The following CUL9 variants were observed in gnomAD, a reference collection of about 807,000 sequenced individuals.
The protein encoded by CUL9 is cullin 9.
In CUL9, 79 loss-of-function variants were observed where a neutral mutation model predicts 272.6. The ratio of observed to expected loss-of-function variants is 0.29; its 90% CI spans 0.24 to 0.35. The LOEUF is 0.35. Among genes scored for constraint, CUL9 ranks in the 10% least tolerant of loss-of-function variants. The probability of loss-of-function intolerance (pLI) is 1.00; values close to 1 mark genes in which losing one functional copy is unlikely to be tolerated. For missense variants in CUL9, 2,532 were observed against 3,255.6 expected (o/e 0.78, Z 5.41); for synonymous variants, 1,186 against 1,286.5 (o/e 0.92, Z 1.67).
At chr6:43,192,615 G>T (rs1315793899) in intron 8 of CUL9, among the ~76,000 whole-genome samples, 1 of 152,204 alleles carries the variant, frequency 6.6e-6, no homozygotes, top group Non-Finnish European at 1.5e-5. Context: ...GGCAGAGGTT[G>T]CAGTGAGCTG....
At chr6:43,186,741 C>T (rs375482056) in intron 4 of CUL9, among the ~76,000 whole-genome samples, 1 of 152,012 alleles carries the variant, frequency 6.6e-6, no homozygotes, top group Non-Finnish European at 1.5e-5. Context: ...GAAGGAATGT[C>T]GAGGCAGAGA....
At chr6:43,189,330 C>T (rs2150529309) in intron 8 of CUL9, among the ~76,000 whole-genome samples, 1 of 152,068 alleles carries the variant, frequency 6.6e-6, no homozygotes, top group South Asian at 2.1e-4. Context: ...GCTGGGATTA[C>T]AGGCACCACC....
intron 20 of CUL9, 155 bp from the exon 21 acceptor site, chr6:43,204,205 C>G: frequency 1.9e-6 from 2 of 1,076,410 alleles, no homozygotes; most frequent in South Asian, 3.2e-5. Context: ...AACATTTCCC[C>G]TGACTCCAGC....
In CUL9 at chr6:43,185,936, C is replaced by T. The variant is rs1772872151; in HGVS notation, c.751-19C>T. 2.5e-6 allele frequency: 4 copies of T among 1,582,346 alleles called. No homozygotes were observed. Among genetic ancestry groups the T allele is most frequent in the Non-Finnish European group, 3.4e-6 (4 of 1,162,916 alleles). On this transcript the variant is annotated intron_variant, in intron 3 of 40. Transcript: ENST00000252050. The stretch of plus-strand genomic sequence containing the variant: ...AAGCCAGGAAGAGATGAACCTGTCC[C>T]AAGGATTGTGTCTTACAGATCCCAG...
intron 10 of CUL9, 54 bp from the exon 11 acceptor site, chr6:43,196,591 T>G (rs958347521): frequency 6.8e-7 from 1 of 1,466,252 alleles, no homozygotes; most frequent in Non-Finnish European, 9.6e-7. Context: ...GCTTTGCTGC[T>G]TCCATTGCAT....
chr6:43,217,124 T>C (rs1047260017), intron 31 of CUL9, among the ~76,000 whole-genome samples: 5 of 152,102 alleles, frequency 3.3e-5, no homozygotes, highest in South Asian at 2.1e-4. Flanking sequence ...GGGAGGCTGA[T>C]GTAGGCAGAT....
At chr6:43,197,293 G>A (rs1774086598) in intron 11 of CUL9, among the ~76,000 whole-genome samples, 1 of 151,350 alleles carries the variant, frequency 6.6e-6, no homozygotes, top group South Asian at 2.1e-4. Context: ...GAGATCCACT[G>A]CCTCGGCCTC....
intron 8 of CUL9, among the ~76,000 whole-genome samples, chr6:43,192,689 A>T (rs1283732806): frequency 6.6e-6 from 1 of 152,216 alleles, no homozygotes; most frequent in Non-Finnish European, 1.5e-5. Flanking sequence ...ACGAAAAGAC[A>T]AACAAAACCA....
Position 43,223,750 on chromosome 6 carries a change from G to T in CUL9, c.7285-345G>T. 2.0e-6 allele frequency: 1 copy of T among 500,040 alleles called. No individual in the cohort carries two copies. The highest frequency in any genetic ancestry group is 3.6e-6 in the Non-Finnish European group (1 of 275,746). The allele number at this position is 500,040 out of a possible 1,614,324, so 31.0% of individuals were successfully genotyped here. A position where few individuals can be genotyped will look rare whatever the true frequency, so the allele number is the denominator to read the frequency against. On this transcript the variant is annotated intron_variant, in intron 39 of 40. Transcript: ENST00000252050. This position sits in a 1 kb window ranked among gnomAD's most constrained non-coding sequence, Gnocchi z 4.1. ...GCATCAGGGGATTGGGGTCACTGGA[G>T]CAAGGGCTCTCCCAGGCTCTCTCCA...
chr6:43,222,102 A>C, intron 35 of CUL9: 1 of 605,986 alleles, frequency 1.7e-6, no homozygotes, highest in East Asian at 2.8e-5. Flanking sequence ...GCTGCTTAGC[A>C]TGTGGCTTTG....
Position 43,206,390 on chromosome 6 carries a change from C to T in CUL9, c.5092C>T (p.Leu1698=), listed in dbSNP as rs866267700. 1 of 1,614,196 alleles carries T rather than the reference C, an allele frequency of 6.2e-7. No homozygotes were observed. The highest frequency in any genetic ancestry group is 1.6e-4 in the Middle Eastern group (1 of 6,062). Residue 1698 remains leucine (L), a synonymous_variant, in exon 26 of 41, where the codon CTG becomes TTG. Coordinates refer to ENST00000252050, the MANE Select transcript of CUL9 (RefSeq NM_015089.4). This position sits in a 1 kb window ranked among gnomAD's most constrained non-coding sequence, Gnocchi z 4.8. ...IEDPSPAISI[L]VLSPRCWPVS... Reference sequence around the variant, plus strand: ...AGATCCAAGTCCAGCCATTTCTATACTGGTCCTGTCACCACGCTGCTGGCC... The same window carrying T: ...AGATCCAAGTCCAGCCATTTCTATATTGGTCCTGTCACCACGCTGCTGGCC...
At chr6:43,196,313 C>G in intron 10 of CUL9, 48 bp downstream of exon 10, 1 of 1,525,700 alleles carries the variant, frequency 6.6e-7, no homozygotes, top group African/African-American at 1.4e-5. Flanking sequence ...AGTCCCAAAC[C>G]CTGCTACTCC....
rs761115690 is a variant in CUL9 at position 43,200,035 on chromosome 6, T to C, written c.3263T>C (p.Leu1088Pro). Residue 1088 changes from leucine (L) to proline (P), a missense_variant, in exon 14 of 41, where the codon CTG becomes CCG. By Grantham distance (98) the Leu-to-Pro change is moderately conservative. Around this residue, in one of 3 missense-constraint regions of CUL9, gnomAD observed 2,218 missense variants for 2,788.6 expected, o/e 0.80. Transcript: ENST00000252050. The surrounding 1 kb of genome is among the most constrained non-coding windows in gnomAD (Gnocchi z 4.0). ...GCAAAAGAGATCCTCTCCAAAGTCCTGGACAAGCACTCAGCTCAGCTGCTG... is the reference window on the plus strand; with the variant it reads ...GCAAAAGAGATCCTCTCCAAAGTCCCGGACAAGCACTCAGCTCAGCTGCTG... ...LGAKEILSKV[L>P]DKHSAQLLLG... 1.2e-6 allele frequency: 2 copies of C among 1,614,264 alleles called. No individual in the cohort carries two copies. The highest frequency in any genetic ancestry group is 3.3e-5 in the Admixed American group (2 of 60,032).
rs376901394 is a variant in CUL9, at chr6:43,220,431, G to A, written c.6283-28G>A. On this transcript the variant is annotated intron_variant, in intron 31 of 40. Coordinates refer to ENST00000252050, the MANE Select transcript of CUL9 (RefSeq NM_015089.4). This position sits in a 1 kb window ranked among gnomAD's most constrained non-coding sequence, Gnocchi z 4.9. ...CCTGTGCTGCTCCCACACTGTCTGT[G>A]AGCAGCCCCTCCTTTTGTCCCTCCC... is the stretch of plus-strand genomic sequence containing the variant. The A allele has an allele frequency of 1.1e-4, 170 of 1,613,078 alleles. No individual in the cohort carries two copies. The highest frequency in any genetic ancestry group is 1.3e-4 in the Non-Finnish European group (152 of 1,179,474).
chr6:43,198,522 T>G lies in CUL9; in HGVS notation c.2804-87T>G. ...TCAATATAGAAGGAAAATTTTGGGGTGATTTTCTGGACCTTCCCAGTTCTC... is the reference window on the plus strand; with the variant it reads ...TCAATATAGAAGGAAAATTTTGGGGGGATTTTCTGGACCTTCCCAGTTCTC... On this transcript the variant is annotated intron_variant, in intron 11 of 40. Coordinates refer to ENST00000252050, the MANE Select transcript of CUL9 (RefSeq NM_015089.4). 6 of 1,545,102 alleles carry G rather than the reference T, an allele frequency of 3.9e-6. No homozygotes were observed. The South Asian group carries it at 6.2e-5, about 16-fold the overall frequency.
rs775005208 is a variant in CUL9 at position 43,187,034 on chromosome 6, C to T, written c.1326C>T (p.Ala442=). The T allele has an allele frequency of 3.1e-6, 5 of 1,614,094 alleles. No individual in the cohort carries two copies. The East Asian group carries it at 1.1e-4, about 36-fold the overall frequency. ...TGGAGATCCTGGGCCCTGAGGAAGC[C>T]ACTGAGGATAAGGCTTCAGCAGCTG... The part of the protein sequence containing the change: ...HMLEILGPEE[A]TEDKASAAVE... The change falls in exon 5 of 41, where the codon GCC becomes GCT. Residue 442 remains alanine, a synonymous_variant. Coordinates refer to ENST00000252050, the MANE Select transcript of CUL9 (RefSeq NM_015089.4).
In CUL9 at chr6:43,184,532, C is replaced by T; in HGVS notation, c.222C>T (p.Ala74=). Reference sequence around the variant, plus strand: ...GGCTGTCGGCTCCTGAGGTCTACGCCAACTGCCCTGGGCTGTTAGGTGAGC... The same window carrying T: ...GGCTGTCGGCTCCTGAGGTCTACGCTAACTGCCCTGGGCTGTTAGGTGAGC... The part of the protein sequence containing the change: ...LMWLSAPEVY[A]NCPGLLGERA... The change falls in exon 2 of 41, where the codon GCC becomes GCT. Residue 74 remains alanine (A), a synonymous_variant. Transcript: ENST00000252050. This position sits in a 1 kb window ranked among gnomAD's most constrained non-coding sequence, Gnocchi z 4.8. 1 of 1,612,646 alleles carries T rather than the reference C, an allele frequency of 6.2e-7. No individual in the cohort carries two copies. The highest frequency in any genetic ancestry group is 1.3e-5 in the African/African-American group (1 of 75,018).
Position 43,203,997 on chromosome 6 carries a change from C to G in CUL9, c.4159+10C>G. Reference sequence around the variant, plus strand: ...AACATCACCTCTCCCGGTAACCATGCTGACACCTGGCCCCACTAACCAGTT... The same window carrying G: ...AACATCACCTCTCCCGGTAACCATGGTGACACCTGGCCCCACTAACCAGTT... On this transcript the variant is annotated intron_variant, in intron 20 of 40. Coordinates refer to ENST00000252050, the MANE Select transcript of CUL9 (RefSeq NM_015089.4). This position sits in a 1 kb window ranked among gnomAD's most constrained non-coding sequence, Gnocchi z 5.0. 1 of 1,588,596 alleles carries G rather than the reference C, an allele frequency of 6.3e-7. No individual in the cohort carries two copies. Among genetic ancestry groups the G allele is most frequent in the South Asian group, 1.1e-5 (1 of 88,722 alleles).
intron 23 of CUL9, 52 bp from the exon 24 acceptor site, chr6:43,205,211 C>T (rs975550254): frequency 1.6e-5 from 26 of 1,601,344 alleles, no homozygotes; most frequent in Non-Finnish European, 1.8e-5. Context: ...CCCCAGTCTC[C>T]TACTCCACTC....
Sources: gnomAD v4.1 joint callset for allele counts (sites outside exome capture counted in the v4.1 genomes callset) on GRCh38, gnomAD v4.1.1 for gene constraint, gnomAD v4.1.1 regional missense constraint, Gnocchi (gnomAD v3.1) non-coding constraint, MANE v1.5 for transcripts, NCBI Gene and HGNC (gene_info 2026-07-23, HGNC 2026-07-21) for gene names.